CCDC187: variants seen among roughly 807,000 people sequenced by gnomAD.
CCDC187 encodes coiled-coil domain-containing protein 187.
CCDC187 carries 32 observed loss-of-function variants against 38.0 expected under a neutral mutation model. The observed-to-expected ratio is 0.84, with a 90% CI of 0.64 to 1.13. The LOEUF is 1.13. Among genes scored for constraint, CCDC187 ranks in the 50% most tolerant of loss-of-function variants. The pLI is 0.00. For synonymous variants in CCDC187, 333 were observed against 347.9 expected (o/e 0.96, Z 0.48); for missense variants, 707 against 786.8 (o/e 0.90, Z 1.21).
intron 9 of CCDC187, 120 bp downstream of exon 9, chr9:136,285,393 G>T: frequency 3.0e-6 from 1 of 329,328 alleles, no homozygotes; most frequent in Non-Finnish European, 5.4e-6. Flanking sequence ...GACACATGGG[G>T]GTGAAGTGAG....
At chr9:136,306,508 T>C (rs1048531625), upstream of CCDC187, among the ~76,000 whole-genome samples, 15,320 of 152,178 alleles carry the variant, frequency 0.1, 1,009 homozygotes, top group African/African-American at 0.18. Flanking sequence ...GGGCCCCCAG[T>C]GCACCACGCG....
In CCDC187 at chr9:136,272,187, G is replaced by A. The variant is rs1830851327; in HGVS notation, c.3442+2471C>T. Among the ~76,000 whole-genome samples, 3 of 152,170 alleles carry A rather than the reference G, an allele frequency of 2.0e-5. No homozygotes were observed. In the South Asian group the frequency reaches 6.2e-4, roughly 32 times the overall value. On this transcript the variant is annotated intron_variant, in intron 14 of 25. Transcript: ENST00000638797. ...CTAAGGGAAATCCTTCCAGCAGAAG[G>A]AAAAGGATGCGGGTTAGAAATCTAC...
At chr9:136,267,922 A>C (rs1588654746) in intron 15 of CCDC187, 127 bp downstream of exon 15, 1 of 985,544 alleles carries the variant, frequency 1.0e-6, no homozygotes, top group East Asian at 1.1e-4. Flanking sequence ...GATCGCCGGA[A>C]GAACCTCCCA....
chr9:136,301,941 G>A lies in CCDC187; in HGVS notation c.625+871C>T, dbSNP rs1227358851. On this transcript the variant is annotated intron_variant, in intron 2 of 25. Coordinates refer to ENST00000638797, the MANE Select transcript of CCDC187 (RefSeq NM_001378188.1). ...TTAAAAATAGAGGAGGCTGGGCACC[G>A]TGGCTCACACCTATAATCCCAGCAC... Among the ~76,000 whole-genome samples, 19 of 152,070 alleles carry A rather than the reference G, an allele frequency of 1.2e-4. No homozygotes were observed. The South Asian group carries it at 3.1e-3, about 25-fold the overall frequency.
Position 136,253,887 on chromosome 9 carries a change from C to G in CCDC187, c.5941G>C (p.Gly1981Arg), listed in dbSNP as rs920122898. 1.0e-6 allele frequency: 1 copy of G among 982,222 alleles called. No homozygotes were observed. The highest frequency in any genetic ancestry group is 1.8e-5 in the African/African-American group (1 of 57,032). 60.8% of individuals were successfully genotyped at this position (982,222 alleles called of 1,614,324 possible). A position where few individuals can be genotyped will look rare whatever the true frequency, so the allele number is the denominator to read the frequency against. ...VLEEACPLLA[G>R]DVLTEILSPV... ...GACAGGATCTCAGTCAAGACGTCACCGGCAAGTAGGGGACAGGCTTCCTCC... is the reference window on the plus strand; with the variant it reads ...GACAGGATCTCAGTCAAGACGTCACGGGCAAGTAGGGGACAGGCTTCCTCC... The change falls in exon 26 of 26, where the codon GGT (glycine) becomes CGT (arginine). Residue 1981 changes from glycine to arginine, a missense_variant. Physicochemically the swap from Gly to Arg is moderately radical, Grantham distance 125. Transcript: ENST00000638797.
upstream of CCDC187, chr9:136,306,849 A>T (rs1831810176): frequency 6.6e-6 from 1 of 152,224 alleles, no homozygotes; most frequent in Non-Finnish European, 1.5e-5. Context: ...AGAGGCCAAG[A>T]GCCGTGACTG....
In CCDC187 at chr9:136,289,967, G is replaced by A. The variant is rs1409001929; in HGVS notation, c.2214C>T (p.Ala738=). The change falls in exon 7 of 26, where the codon GCC becomes GCT. Residue 738 remains alanine, a synonymous_variant. Transcript: ENST00000638797. ...TSGMVLGGQE[A]PGSFCLCLNR... is the part of the protein sequence containing the mutation. ...CACACTTTCACACCCACCTGCCTGG[G>A]GCTTCCTGGCCCCCCAGCACCATGC... The A allele has an allele frequency of 7.5e-6, 3 of 398,588 alleles. No homozygotes were observed. The highest frequency in any genetic ancestry group is 1.3e-5 in the Non-Finnish European group (3 of 226,202). 24.7% of individuals were successfully genotyped at this position (398,588 alleles called of 1,614,324 possible).
At position 136,260,139 on chromosome 9, in the gene CCDC187, C is replaced by G; in HGVS notation, c.4190G>C (p.Ser1397Thr). The G allele has an allele frequency of 4.1e-6, 4 of 985,470 alleles. No individual in the cohort carries two copies. The highest frequency in any genetic ancestry group is 4.8e-6 in the Non-Finnish European group (4 of 829,986). The allele number at this position is 985,470 out of a possible 1,614,324, so 61.0% of individuals were successfully genotyped here. ...ATTACCTTGACTGACATGGCTGCCA[C>G]TCTCCACCAGCGGGCCCTGGGGGTC... ...THDPQGPLVE[S>T]GSHVSQEPGE... The change falls in exon 20 of 26, where the codon AGT becomes ACT. Residue 1397 changes from serine (S) to threonine (T), a missense_variant. By Grantham distance (58) the Ser-to-Thr change is moderately conservative. Coordinates refer to ENST00000638797, the MANE Select transcript of CCDC187 (RefSeq NM_001378188.1).
At position 136,260,908 on chromosome 9, in the gene CCDC187, G is replaced by T. The variant is rs144294635; in HGVS notation, c.4065-644C>A. ...TGGGAGGGCATCTTGACGCCAGTGT[G>T]TGCCCCACACAGGCTCTGGAGGGAG... On this transcript the variant is annotated intron_variant, in intron 19 of 25. Coordinates refer to ENST00000638797, the MANE Select transcript of CCDC187 (RefSeq NM_001378188.1). 7.1e-4 allele frequency among the ~76,000 whole-genome samples: 108 copies of T among 152,336 alleles called. 1 individual carries two copies. Among genetic ancestry groups the T allele is most frequent in the Admixed American group, 1.8e-3 (28 of 15,308 alleles).
At chr9:136,283,226 G>C (rs1391463006) in intron 9 of CCDC187, among the ~76,000 whole-genome samples, 7 of 152,228 alleles carry the variant, frequency 4.6e-5, no homozygotes, top group African/African-American at 1.7e-4. Context: ...TCCAGCCTCG[G>C]CGACAGAGCA....
chr9:136,286,196 G>A lies in CCDC187; in HGVS notation c.2722C>T (p.Pro908Ser). 2.5e-6 allele frequency: 1 copy of A among 398,608 alleles called. No homozygotes were observed. The highest frequency in any genetic ancestry group is 4.4e-6 in the Non-Finnish European group (1 of 226,052). The allele number at this position is 398,608 out of a possible 1,614,324, so 24.7% of individuals were successfully genotyped here. The change falls in exon 8 of 26, where the codon CCC becomes TCC. Residue 908 changes from proline to serine, a missense_variant. Physicochemically the swap from Pro to Ser is moderately conservative, Grantham distance 74 (BLOSUM62 -1). Coordinates refer to ENST00000638797, the MANE Select transcript of CCDC187 (RefSeq NM_001378188.1). ...AGGAAGTAGGTCGGGGGCAGAAGGG[G>A]CTGGGGCTGCATGCTCACCCACTCC... ...PGEWVSMQPQ[P>S]LLPPTYFLDG...
rs782343316 is a variant in CCDC187, at chr9:136,250,958, G to A, written c.*2636C>T. On this transcript the variant is annotated 3_prime_UTR_variant, in exon 26 of 26. Transcript: ENST00000638797. ...CTCTCACCAGAGCTATGGGGTAGAG[G>A]GCCTTGGCAGCTCCGTGTGTCCTGT... 1 of 455,314 alleles carries A rather than the reference G, an allele frequency of 2.2e-6. No individual in the cohort carries two copies. Among genetic ancestry groups the A allele is most frequent in the South Asian group, 1.5e-5 (1 of 64,558 alleles). The allele number at this position is 455,314 out of a possible 1,614,324, so 28.2% of individuals were successfully genotyped here. A position where few individuals can be genotyped will look rare whatever the true frequency, so the allele number is the denominator to read the frequency against.
chr9:136,264,150 T>TC lies in CCDC187; in HGVS notation c.3736-353dup, dbSNP rs1830713105. 6.6e-6 allele frequency: 1 copy of TC among 152,396 alleles called. No individual in the cohort carries two copies. The highest frequency in any genetic ancestry group is 6.5e-5 in the Admixed American group (1 of 15,284). The allele number at this position is 152,396 out of a possible 1,614,324, so 9.4% of individuals were successfully genotyped here. Reference sequence around the variant, plus strand: ...ACTCCTTTACAACTGTTCTTTCTGTTCCCCACAGCGTCCCTGGTGGACGCA... The same window carrying TC: ...ACTCCTTTACAACTGTTCTTTCTGTTCCCCCACAGCGTCCCTGGTGGACGCA... On this transcript the variant is annotated intron_variant, in intron 17 of 25. Coordinates refer to ENST00000638797, the MANE Select transcript of CCDC187 (RefSeq NM_001378188.1). This position sits in a 1 kb window ranked among gnomAD's most constrained non-coding sequence, Gnocchi z 4.3.
At chr9:136,273,774 C>T (rs1460841575) in intron 14 of CCDC187, among the ~76,000 whole-genome samples, 6 of 152,218 alleles carry the variant, frequency 3.9e-5, no homozygotes, top group Admixed American at 1.3e-4. Context: ...CTGGACATTA[C>T]GAGGTTCACA....
At position 136,303,192 on chromosome 9, in the gene CCDC187, G is replaced by C. The variant is rs1290248654; in HGVS notation, c.245C>G (p.Ser82Cys). The change falls in exon 2 of 26, where the codon TCT becomes TGT. Residue 82 changes from serine (S) to cysteine (C), a missense_variant. Transcript: ENST00000638797. ...PPWAAPHVVG[S>C]DDLKEPGPWG... ...GGGTCCTGGTTCCTTGAGGTCGTCA[G>C]ACCCGACCACGTGGGGAGCTGCCCA... is the stretch of plus-strand genomic sequence containing the variant. 1.3e-5 allele frequency: 5 copies of C among 398,504 alleles called. No homozygotes were observed. Among genetic ancestry groups the C allele is most frequent in the Admixed American group, 4.4e-5 (1 of 22,726 alleles). 24.7% of individuals were successfully genotyped at this position (398,504 alleles called of 1,614,324 possible). A position where few individuals can be genotyped will look rare whatever the true frequency, so the allele number is the denominator to read the frequency against.
Position 136,303,167 on chromosome 9 carries a change from G to A in CCDC187, c.270C>T (p.Pro90=), listed in dbSNP as rs928374295. 2.3e-5 allele frequency: 9 copies of A among 398,566 alleles called. No homozygotes were observed. In the East Asian group the frequency reaches 2.8e-4, roughly 13 times the overall value. The allele number at this position is 398,566 out of a possible 1,614,324, so 24.7% of individuals were successfully genotyped here. Reference sequence around the variant, plus strand: ...TGGGCAGGCTGCACGCCTTCCCCCAGGGTCCTGGTTCCTTGAGGTCGTCAG... The same window carrying A: ...TGGGCAGGCTGCACGCCTTCCCCCAAGGTCCTGGTTCCTTGAGGTCGTCAG... The part of the protein sequence containing the change: ...VGSDDLKEPG[P]WGKACSLPMW... The change falls in exon 2 of 26, where the codon CCC becomes CCT. Residue 90 remains proline, a synonymous_variant. Transcript: ENST00000638797.
In CCDC187 at chr9:136,250,828, C is replaced by A. The variant is rs763553307; in HGVS notation, c.*2766G>T. On this transcript the variant is annotated 3_prime_UTR_variant, in exon 26 of 26. Transcript: ENST00000638797. Reference sequence around the variant, plus strand: ...CTGGGGCTAAGCAGCCGCCCCGGGGCTGGAGAAGGCAGGCTGGGTCCAGCT... The same window carrying A: ...CTGGGGCTAAGCAGCCGCCCCGGGGATGGAGAAGGCAGGCTGGGTCCAGCT... 3.9e-5 allele frequency: 18 copies of A among 456,054 alleles called. No homozygotes were observed. Among genetic ancestry groups the A allele is most frequent in the Middle Eastern group, 3.2e-4 (1 of 3,084 alleles). 28.3% of individuals were successfully genotyped at this position (456,054 alleles called of 1,614,324 possible).
In CCDC187 at chr9:136,292,325, G is replaced by A. The variant is rs1192473644; in HGVS notation, c.833-30C>T. The stretch of plus-strand genomic sequence containing the variant: ...AACAGAGAAAACATACACACAGCCG[G>A]GCGCCCCATGGCCCTCTGGGCACTG... On this transcript the variant is annotated intron_variant, in intron 4 of 25. Coordinates refer to ENST00000638797, the MANE Select transcript of CCDC187 (RefSeq NM_001378188.1). The A allele has an allele frequency of 4.0e-5, 16 of 398,630 alleles. No individual in the cohort carries two copies. In the Admixed American group the frequency reaches 4.4e-4, roughly 11 times the overall value. The allele number at this position is 398,630 out of a possible 1,614,324, so 24.7% of individuals were successfully genotyped here.
chr9:136,297,299 C>T (rs1485357100), intron 4 of CCDC187, among the ~76,000 whole-genome samples: 4 of 151,478 alleles, frequency 2.6e-5, no homozygotes, highest in Non-Finnish European at 5.9e-5. Context: ...GTGGTGTGAG[C>T]TGCGGGTGGT....
Sources: gnomAD v4.1 joint callset for allele counts (sites outside exome capture counted in the v4.1 genomes callset) on GRCh38, gnomAD v4.1.1 for gene constraint, Gnocchi (gnomAD v3.1) non-coding constraint, MANE v1.5 for transcripts, NCBI Gene and HGNC (gene_info 2026-07-23, HGNC 2026-07-21) for gene names.